The following ZCCHC7 variants were observed in gnomAD, a reference collection of about 807,000 sequenced individuals.
ZCCHC7 encodes the protein zinc finger CCHC domain-containing protein 7.
ZCCHC7 carries 35 observed loss-of-function variants against 52.0 expected under a neutral mutation model. The observed-to-expected ratio is 0.67, with a 90% CI of 0.51 to 0.89. The LOEUF (loss-of-function observed/expected upper bound fraction) is 0.89, where lower values mean the gene tolerates loss of function less well. ZCCHC7 is among the 40% of genes least tolerant of loss of function. The pLI is 0.00. For missense variants in ZCCHC7, 574 were observed against 649.1 expected, an observed-to-expected ratio of 0.88 and a Z score of 1.26; for synonymous variants, 217 against 221.5, an observed-to-expected ratio of 0.98 and a Z score of 0.18.
At chr9:37,199,957 C>T (rs754004020) in intron 2 of ZCCHC7, among the ~76,000 whole-genome samples, 4 of 152,082 alleles carry the variant, frequency 2.6e-5, no homozygotes, top group South Asian at 2.1e-4. Context: ...CCACCTGCCT[C>T]GGCCTCCCAA....
chr9:37,198,698 T>A (rs2133144465), intron 2 of ZCCHC7, among the ~76,000 whole-genome samples: 1 of 152,340 alleles, frequency 6.6e-6, no homozygotes, highest in Non-Finnish European at 1.5e-5. Flanking sequence ...TGATAGAGCT[T>A]GCTCCCTCAA....
chr9:37,184,622 A>T (rs1033459958), intron 2 of ZCCHC7, among the ~76,000 whole-genome samples: 1 of 152,038 alleles, frequency 6.6e-6, no homozygotes, highest in African/African-American at 2.4e-5. Flanking sequence ...TTATTTATTG[A>T]TCTGACTGTC....
chr9:37,260,817 T>A (rs142907235), intron 2 of ZCCHC7, among the ~76,000 whole-genome samples: 221 of 152,364 alleles, frequency 1.5e-3, no homozygotes, highest in Non-Finnish European at 2.7e-3. Flanking sequence ...CAGCCAGGAC[T>A]GTAGCTATTG....
chr9:37,288,763 C>T (rs1045769210), intron 2 of ZCCHC7, among the ~76,000 whole-genome samples: 1 of 152,128 alleles, frequency 6.6e-6, no homozygotes, highest in Non-Finnish European at 1.5e-5. Flanking sequence ...TAGTTGGTTA[C>T]GGGGCACTGA....
intron 5 of ZCCHC7, among the ~76,000 whole-genome samples, chr9:37,311,065 C>A (rs1159367124): frequency 6.6e-6 from 1 of 151,842 alleles, no homozygotes; most frequent in Non-Finnish European, 1.5e-5. Context: ...TTAAAAAACC[C>A]CTGGGGATCA....
rs1236808407 is a variant in ZCCHC7 at position 37,305,565 on chromosome 9, T to C, written c.802T>C (p.Cys268Arg). 2.5e-6 allele frequency: 4 copies of C among 1,614,052 alleles called. No homozygotes were observed. The highest frequency in any genetic ancestry group is 2.5e-6 in the Non-Finnish European group (3 of 1,180,012). Residue 268 changes from cysteine (C) to arginine (R), a missense_variant, in exon 5 of 9, where the codon TGC (cysteine) becomes CGC (arginine). Coordinates refer to ENST00000336755, the MANE Select transcript of ZCCHC7 (RefSeq NM_032226.3). ...ATAGAAAGTTCGTCGCTGCTTCCTG[T>C]GCTCCAGGAGAGGACATCTCCTGTA... is the stretch of plus-strand genomic sequence containing the variant. ...LPRKVRRCFL[C>R]SRRGHLLYSC... is the part of the protein sequence containing the mutation.
chr9:37,198,220 A>G (rs527852791), intron 2 of ZCCHC7, among the ~76,000 whole-genome samples: 19 of 152,280 alleles, frequency 1.2e-4, no homozygotes, highest in African/African-American at 4.1e-4. Flanking sequence ...AAAAGCTTCT[A>G]TTCATCCTGT....
At chr9:37,351,613 A>G (rs1437947894) in intron 7 of ZCCHC7, among the ~76,000 whole-genome samples, 1 of 152,160 alleles carries the variant, frequency 6.6e-6, no homozygotes, top group African/African-American at 2.4e-5. Context: ...AGCCAAGAAG[A>G]CTTCTTTTAC....
intron 6 of ZCCHC7, among the ~76,000 whole-genome samples, chr9:37,334,527 A>T (rs1374373550): frequency 6.6e-6 from 1 of 152,040 alleles, no homozygotes; most frequent in East Asian, 1.9e-4. Flanking sequence ...AGCTGTGGTG[A>T]TAAACTTAAG....
intron 2 of ZCCHC7, among the ~76,000 whole-genome samples, chr9:37,134,282 C>T (rs889677639): frequency 5.9e-5 from 9 of 151,890 alleles, no homozygotes; most frequent in Admixed American, 4.6e-4. Context: ...GTTGTAATAC[C>T]TAGATTCTTT....
chr9:37,243,330 G>A (rs1195702629), intron 2 of ZCCHC7, among the ~76,000 whole-genome samples: 3 of 151,716 alleles, frequency 2.0e-5, no homozygotes, highest in Non-Finnish European at 4.4e-5. Context: ...CTAAACCTTT[G>A]TTTTAAAATT....
intron 2 of ZCCHC7, among the ~76,000 whole-genome samples, chr9:37,192,253 A>C (rs564394181): frequency 5.9e-5 from 9 of 152,372 alleles, no homozygotes; most frequent in Non-Finnish European, 1.3e-4. Flanking sequence ...AGTAACAGCA[A>C]GTGTTAATAA....
chr9:37,187,653 C>A (rs959463441), intron 2 of ZCCHC7, among the ~76,000 whole-genome samples: 5 of 152,208 alleles, frequency 3.3e-5, no homozygotes, highest in African/African-American at 1.2e-4. Context: ...AGCAAAGTGG[C>A]AGTGCCATTA....
At chr9:37,121,689 C>G (rs1842322557) in intron 1 of ZCCHC7, 1 of 151,978 alleles carries the variant, frequency 6.6e-6, no homozygotes, top group South Asian at 2.1e-4. Flanking sequence ...GACTGCATGA[C>G]CGAAGGAAAA....
chr9:37,196,572 T>G (rs1294877684), intron 2 of ZCCHC7, among the ~76,000 whole-genome samples: 1 of 152,222 alleles, frequency 6.6e-6, no homozygotes, highest in Non-Finnish European at 1.5e-5. Flanking sequence ...TGTTTGATTT[T>G]TCTATTTTGT....
chr9:37,186,349 A>T (rs1052918168), intron 2 of ZCCHC7, among the ~76,000 whole-genome samples: 1 of 152,206 alleles, frequency 6.6e-6, no homozygotes, highest in Non-Finnish European at 1.5e-5. Flanking sequence ...GATTCCAAGG[A>T]TGAGCAGAAT....
intron 2 of ZCCHC7, among the ~76,000 whole-genome samples, chr9:37,239,486 C>T (rs151195390): frequency 2.2e-3 from 336 of 152,038 alleles, no homozygotes; most frequent in African/African-American, 7.6e-3. Context: ...CAAAAGAAAG[C>T]GATTGGTTGC....
At chr9:37,251,364 T>C (rs1179631675) in intron 2 of ZCCHC7, among the ~76,000 whole-genome samples, 1 of 152,212 alleles carries the variant, frequency 6.6e-6, no homozygotes, top group Non-Finnish European at 1.5e-5. Context: ...CTATAGTTAT[T>C]TCTATCAAAG....
At chr9:37,273,450 CT>C (rs1367651739) in intron 2 of ZCCHC7, among the ~76,000 whole-genome samples, 28 of 152,144 alleles carry the variant, frequency 1.8e-4, no homozygotes, top group Admixed American at 1.7e-3. Flanking sequence ...TTGCAGTGAG[CT>C]GAGATCGCGC....
Sources: gnomAD v4.1 joint callset for allele counts (sites outside exome capture counted in the v4.1 genomes callset) on GRCh38, gnomAD v4.1.1 for gene constraint, MANE v1.5 for transcripts, NCBI Gene and HGNC (gene_info 2026-07-23, HGNC 2026-07-21) for gene names.